The following MTCH2 variants were observed in gnomAD, a reference collection of about 807,000 sequenced individuals.
The protein encoded by MTCH2 is mitochondrial carrier homolog 2.
A neutral mutation model predicts 50.6 loss-of-function variants in MTCH2; 25 were observed. The ratio of observed to expected loss-of-function variants is 0.49; its 90% CI spans 0.36 to 0.69. MTCH2 has a LOEUF of 0.69. MTCH2 is among the 30% of genes least tolerant of loss of function. The pLI is 0.00. For missense variants in MTCH2, 273 were observed against 384.4 expected, an observed-to-expected ratio of 0.71 and a Z score of 2.42; for synonymous variants, 106 against 132.0, an observed-to-expected ratio of 0.80 and a Z score of 1.35.
chr11:47,615,783 C>A (rs1176437936), downstream of MTCH2, among the ~76,000 whole-genome samples: 1 of 3,594 alleles, frequency 2.8e-4, no homozygotes, highest in African/African-American at 4.4e-4. Context: ...CAGGTGCCCG[C>A]CACCACGCCT....
At position 47,617,650 on chromosome 11, in the gene MTCH2, G is replaced by A. The variant is rs1279787466; in HGVS notation, c.*1183C>T. On this transcript the variant is annotated 3_prime_UTR_variant, in exon 13 of 13. Coordinates refer to ENST00000302503, the MANE Select transcript of MTCH2 (RefSeq NM_014342.4). ...GTTATATAAATAAGTGAAACCACAG[G>A]CTTTCTCATTTTAGAGCATTTTAAC... The A allele has an allele frequency of 1.3e-5, 2 of 152,598 alleles. No homozygotes were observed. The highest frequency in any genetic ancestry group is 2.9e-5 in the Non-Finnish European group (2 of 68,046). The allele number at this position is 152,598 out of a possible 1,614,324, so 9.5% of individuals were successfully genotyped here. A position where few individuals can be genotyped will look rare whatever the true frequency, so the allele number is the denominator to read the frequency against.
chr11:47,615,031 C>CTT (rs61122824), downstream of MTCH2, among the ~76,000 whole-genome samples: 3 of 44,910 alleles, frequency 6.7e-5, 1 homozygote, highest in African/African-American at 3.1e-4. Flanking sequence ...CCCAGTGAGG[C>CTT]TTTTTTTTTT....
intron 3 of MTCH2, among the ~76,000 whole-genome samples, chr11:47,636,134 A>G (rs2097308362): frequency 6.6e-6 from 1 of 151,790 alleles, no homozygotes; most frequent in African/African-American, 2.4e-5. Context: ...TCTCAAGAAA[A>G]AAAAAAAGAA....
chr11:47,630,215 C>T (rs2153799640), intron 8 of MTCH2, among the ~76,000 whole-genome samples: 1 of 152,194 alleles, frequency 6.6e-6, no homozygotes, highest in Middle Eastern at 3.4e-3. Flanking sequence ...CCATGTTGGC[C>T]AGGCTGGTCT....
chr11:47,621,426 T>C lies in MTCH2; in HGVS notation c.825+1275A>G, dbSNP rs146190845. Among the ~76,000 whole-genome samples the C allele has an allele frequency of 9.4e-4, 111 of 117,908 alleles. 1 individual carries two copies. Among genetic ancestry groups the C allele is most frequent in the African/African-American group, 3.4e-3 (103 of 30,600 alleles). The allele number at this position is 117,908 out of a possible 152,430, so 77.4% of individuals were successfully genotyped here. Reference sequence around the variant, plus strand: ...TAGCCCACAGCCAATCCATTTGTTGTTGTTATTGTCTTTTTTTTTTTTTTG... The same window carrying C: ...TAGCCCACAGCCAATCCATTTGTTGCTGTTATTGTCTTTTTTTTTTTTTTG... On this transcript the variant is annotated intron_variant, in intron 12 of 12. Transcript: ENST00000302503.
the MTCH2 span, among the ~76,000 whole-genome samples, chr11:47,607,694 C>T: frequency 6.6e-6 from 1 of 152,304 alleles, no homozygotes. Flanking sequence ...GTGAGTGGAG[C>T]TGCCAGCTGG....
chr11:47,616,092 G>A (rs572328430), downstream of MTCH2, among the ~76,000 whole-genome samples: 1 of 152,152 alleles, frequency 6.6e-6, no homozygotes, highest in East Asian at 1.9e-4. Context: ...CCAAGTAGCT[G>A]GGATTACAGG....
At chr11:47,613,454 C>A (rs1208697804), downstream of MTCH2, among the ~76,000 whole-genome samples, 1 of 152,126 alleles carries the variant, frequency 6.6e-6, no homozygotes, top group South Asian at 2.1e-4. Flanking sequence ...TTTAGAAGCA[C>A]CCAGTAGAGG....
chr11:47,640,159 T>C (rs2097312715), intron 1 of MTCH2, among the ~76,000 whole-genome samples: 1 of 151,932 alleles, frequency 6.6e-6, no homozygotes, highest in South Asian at 2.1e-4. Flanking sequence ...TGAAACCCTG[T>C]CTCTACTAAA....
chr11:47,626,348 C>A (rs1483254731), intron 10 of MTCH2, among the ~76,000 whole-genome samples: 2 of 120,656 alleles, frequency 1.7e-5, no homozygotes, highest in Non-Finnish European at 1.7e-5. Flanking sequence ...TTTTTTTTTT[C>A]ACTTTTGTAG....
the MTCH2 span, among the ~76,000 whole-genome samples, chr11:47,605,078 C>T: frequency 1.1e-4 from 17 of 152,080 alleles, no homozygotes; most frequent in African/African-American, 4.1e-4. Flanking sequence ...CTACAGGCGC[C>T]TGCCACCACG....
chr11:47,632,913 G>A (rs1251140597), intron 5 of MTCH2, among the ~76,000 whole-genome samples: 1 of 150,886 alleles, frequency 6.6e-6, no homozygotes, highest in East Asian at 2.0e-4. Flanking sequence ...TGTTGGCCAA[G>A]CTGGTTTTGA....
the MTCH2 span, among the ~76,000 whole-genome samples, chr11:47,608,320 T>G: frequency 6.6e-6 from 1 of 152,202 alleles, no homozygotes; most frequent in Non-Finnish European, 1.5e-5. Flanking sequence ...ATCTCTTAGC[T>G]ACCATGGTAT....
chr11:47,630,455 G>A lies in MTCH2; in HGVS notation c.539+100C>T, dbSNP rs1191107279. On this transcript the variant is annotated intron_variant, in intron 8 of 12. Transcript: ENST00000302503. Reference sequence around the variant, plus strand: ...ATGTAACGTGAGGTAAGCCCAGGGAGTACGTTTTCCCCAAGGATTAAACAA... The same window carrying A: ...ATGTAACGTGAGGTAAGCCCAGGGAATACGTTTTCCCCAAGGATTAAACAA... 2.2e-5 allele frequency: 23 copies of A among 1,064,410 alleles called. No individual in the cohort carries two copies. The East Asian group carries it at 5.4e-4, about 25-fold the overall frequency. 65.9% of individuals were successfully genotyped at this position (1,064,410 alleles called of 1,614,324 possible).
chr11:47,616,044 C>T (rs112182667), downstream of MTCH2, among the ~76,000 whole-genome samples: 17 of 152,174 alleles, frequency 1.1e-4, no homozygotes, highest in Non-Finnish European at 1.5e-4. Context: ...CCGCAACCTC[C>T]GCTTCCTGGG....
At chr11:47,622,607 A>T in intron 12 of MTCH2, 94 bp downstream of exon 12, 1 of 982,928 alleles carries the variant, frequency 1.0e-6, no homozygotes, top group Non-Finnish European at 1.5e-6. Flanking sequence ...GTGAGCTACA[A>T]GAGTTAACTT....
intron 2 of MTCH2, 24 bp from the exon 3 acceptor site, chr11:47,638,829 T>C (rs370894951): frequency 1.9e-6 from 3 of 1,608,334 alleles, no homozygotes; most frequent in Non-Finnish European, 2.6e-6. Flanking sequence ...TCAGAGATGT[T>C]GTCAAGTTCT....
At chr11:47,634,595 C>G in intron 5 of MTCH2, 77 bp downstream of exon 5, 1 of 1,119,382 alleles carries the variant, frequency 8.9e-7, no homozygotes, top group Admixed American at 2.0e-5. Flanking sequence ...ACACACAGGC[C>G]TGATGATTCT....
chr11:47,618,826 C>T lies in MTCH2; in HGVS notation c.*7G>A. 1 of 1,611,922 alleles carries T rather than the reference C, an allele frequency of 6.2e-7. No individual in the cohort carries two copies. The highest frequency in any genetic ancestry group is 1.3e-5 in the African/African-American group (1 of 75,068). On this transcript the variant is annotated 3_prime_UTR_variant, in exon 13 of 13. Transcript: ENST00000302503. ...TACAGAAATGTCACTGTCCCTGCCC[C>T]ACATCTTCAAATTAACATTTTCAGG...
Sources: allele counts gnomAD v4.1 joint callset (sites outside exome capture counted in the v4.1 genomes callset), GRCh38; gene constraint gnomAD v4.1.1; transcripts MANE v1.5; gene names NCBI Gene and HGNC (gene_info 2026-07-23, HGNC 2026-07-21).